The following SRSF4 variants were observed in gnomAD, a reference collection of about 807,000 sequenced individuals.
The protein encoded by SRSF4 is serine/arginine-rich splicing factor 4.
In SRSF4, 12 loss-of-function variants were observed where a neutral mutation model predicts 48.8. That is an observed-to-expected ratio of 0.25 (90% CI 0.16 to 0.40). The LOEUF (loss-of-function observed/expected upper bound fraction) is 0.40, where lower values mean the gene tolerates loss of function less well. SRSF4 is among the 10% of genes least tolerant of loss of function. The pLI is 1.00. For synonymous variants in SRSF4, 248 were observed against 232.5 expected, an observed-to-expected ratio of 1.07 and a Z score of -0.61; for missense variants, 466 against 667.1, an observed-to-expected ratio of 0.70 and a Z score of 3.32.
At chr1:29,153,684 C>T (rs957202036) in intron 4 of SRSF4, among the ~76,000 whole-genome samples, 6 of 151,156 alleles carry the variant, frequency 4.0e-5, no homozygotes, top group Admixed American at 2.6e-4. Flanking sequence ...CCACAACCTC[C>T]GCCTCCCAGG....
At chr1:29,180,655 A>G (rs1184755654) in intron 1 of SRSF4, among the ~76,000 whole-genome samples, 1 of 152,260 alleles carries the variant, frequency 6.6e-6, no homozygotes, top group Admixed American at 6.5e-5. Flanking sequence ...AGTGCCCTAA[A>G]ATGTCACCCC....
chr1:29,148,255 C>T lies in SRSF4; in HGVS notation c.*155G>A, dbSNP rs1672336754. The stretch of plus-strand genomic sequence containing the variant: ...GAAGGCCTGGTGCCAGGAGGCTTTA[C>T]TGAGAGGAAGCACTTAGATTTAACA... On this transcript the variant is annotated 3_prime_UTR_variant, in exon 6 of 6. Coordinates refer to ENST00000373795, the MANE Select transcript of SRSF4 (RefSeq NM_005626.5). 1.8e-6 allele frequency: 2 copies of T among 1,122,766 alleles called. No homozygotes were observed. Among genetic ancestry groups the T allele is most frequent in the Non-Finnish European group, 1.3e-6 (1 of 765,502 alleles). 69.6% of individuals were successfully genotyped at this position (1,122,766 alleles called of 1,614,324 possible).
intron 1 of SRSF4, chr1:29,170,917 G>A (rs1329357722): frequency 1.3e-5 from 2 of 152,124 alleles, no homozygotes; most frequent in East Asian, 3.8e-4. Context: ...TGCCTTTCAA[G>A]CGCTTCTTCA....
At position 29,181,722 on chromosome 1, in the gene SRSF4, A is replaced by G. The variant is rs1204898237; in HGVS notation, c.31T>C (p.Tyr11His). 1 of 1,593,846 alleles carries G rather than the reference A, an allele frequency of 6.3e-7. No homozygotes were observed. The highest frequency in any genetic ancestry group is 2.4e-5 in the East Asian group (1 of 42,110). ...TCCACATCGCGCTCCCGGGCCTGGT[A>G]GCTCAGGCGGCCGATGTACACCCGC... Reference protein sequence around the residue: MPRVYIGRLSYQARERDVERF... With the variant: MPRVYIGRLSHQARERDVERF... The change falls in exon 1 of 6, where the codon TAC becomes CAC. Residue 11 changes from tyrosine to histidine, a missense_variant. By Grantham distance (83) the Tyr-to-His change is moderately conservative. Transcript: ENST00000373795.
chr1:29,172,329 C>CT (rs1486893168), intron 1 of SRSF4: 2 of 152,120 alleles, frequency 1.3e-5, no homozygotes, highest in African/African-American at 4.8e-5. Context: ...GAGTCTCACT[C>CT]TGTCACCCAA....
At chr1:29,160,928 C>T (rs1672585688) in intron 1 of SRSF4, among the ~76,000 whole-genome samples, 1 of 152,160 alleles carries the variant, frequency 6.6e-6, no homozygotes. Flanking sequence ...ACAATTAGAC[C>T]TACATTCAGG....
intron 1 of SRSF4, among the ~76,000 whole-genome samples, chr1:29,165,173 C>T (rs1163663941): frequency 6.6e-6 from 1 of 152,140 alleles, no homozygotes; most frequent in African/African-American, 2.4e-5. Flanking sequence ...CTGTCATTTT[C>T]CCTGTAAAAA....
intron 3 of SRSF4, 80 bp from the exon 4 acceptor site, chr1:29,154,990 C>T: frequency 7.5e-7 from 1 of 1,333,254 alleles, no homozygotes; most frequent in South Asian, 1.3e-5. Context: ...TGAATTTTTC[C>T]TTTAAGAAAT....
chr1:29,164,412 C>T (rs990643309), intron 1 of SRSF4, among the ~76,000 whole-genome samples: 1 of 152,216 alleles, frequency 6.6e-6, no homozygotes, highest in Non-Finnish European at 1.5e-5. Context: ...CAGCAAGTAA[C>T]GTGAAACAAA....
chr1:29,171,322 A>AC (rs984492009), intron 1 of SRSF4: 19 of 150,500 alleles, frequency 1.3e-4, no homozygotes, highest in African/African-American at 4.4e-4. Flanking sequence ...AACCTGAACT[A>AC]CCCTCTCACC....
At position 29,178,353 on chromosome 1, in the gene SRSF4, C is replaced by CTTCTTCTTTTT. The variant is rs141096220; in HGVS notation, c.107+3292_107+3293insAAAAAGAAGAA. 1.7e-3 allele frequency among the ~76,000 whole-genome samples: 223 copies of CTTCTTCTTTTT among 127,908 alleles called. 5 individuals are homozygous for CTTCTTCTTTTT. Among genetic ancestry groups the CTTCTTCTTTTT allele is most frequent in the African/African-American group, 5.8e-3 (195 of 33,816 alleles). The allele number at this position is 127,908 out of a possible 152,430, so 83.9% of individuals were successfully genotyped here. On this transcript the variant is annotated intron_variant, in intron 1 of 5. Coordinates refer to ENST00000373795, the MANE Select transcript of SRSF4 (RefSeq NM_005626.5). ...AAAATCTGTTTCTGAGTTTCAATTA[C>CTTCTTCTTTTT]TTTTTTTTTTGAGACAGAGTCTCGC...
chr1:29,154,702 T>C lies in SRSF4; in HGVS notation c.572A>G (p.His191Arg). 6.2e-7 allele frequency: 1 copy of C among 1,614,242 alleles called. No homozygotes were observed. Among genetic ancestry groups the C allele is most frequent in the Non-Finnish European group, 8.5e-7 (1 of 1,180,034 alleles). ...CAAAAGACATCAACAGTACCTTGAATGACTCCGGCTTCTGGAGTAGGACCG... is the reference window on the plus strand; with the variant it reads ...CAAAAGACATCAACAGTACCTTGAACGACTCCGGCTTCTGGAGTAGGACCG... Reference protein sequence around the residue: ...RRRSYSRSRSHSRSRSRSRHS... With the variant: ...RRRSYSRSRSRSRSRSRSRHS... Residue 191 changes from histidine to arginine, a missense_variant, in exon 4 of 6, where the codon CAT becomes CGT. His to Arg is a conservative substitution (Grantham distance 29). This residue lies in a region of SRSF4 where 402 missense variants were observed against 437.0 expected (regional missense o/e 0.92). Coordinates refer to ENST00000373795, the MANE Select transcript of SRSF4 (RefSeq NM_005626.5).
At chr1:29,168,012 C>CTTTTT (rs5773233) in intron 1 of SRSF4, among the ~76,000 whole-genome samples, 49 of 133,310 alleles carry the variant, frequency 3.7e-4, no homozygotes, top group African/African-American at 1.2e-3. Context: ...GTTCTAATTC[C>CTTTTT]TTTTTTTTTT....
chr1:29,147,879 C>T lies in SRSF4; in HGVS notation c.*531G>A. 1 of 209,546 alleles carries T rather than the reference C, an allele frequency of 4.8e-6. No homozygotes were observed. The highest frequency in any genetic ancestry group is 1.0e-5 in the Non-Finnish European group (1 of 98,950). 13.0% of individuals were successfully genotyped at this position (209,546 alleles called of 1,614,324 possible). On this transcript the variant is annotated 3_prime_UTR_variant, in exon 6 of 6. Coordinates refer to ENST00000373795, the MANE Select transcript of SRSF4 (RefSeq NM_005626.5). ...ATATAAAACAATATAATCACAATAC[C>T]AGAATATGGAACTCTACAGTTTATT...
In SRSF4 at chr1:29,173,224, G is replaced by C. The variant is rs1442581997; in HGVS notation, c.107+8422C>G. 5.9e-5 allele frequency: 8 copies of C among 135,224 alleles called. 1 individual carries two copies. In the South Asian group the frequency reaches 7.2e-4, roughly 12 times the overall value. The allele number at this position is 135,224 out of a possible 1,614,324, so 8.4% of individuals were successfully genotyped here. A position where few individuals can be genotyped will look rare whatever the true frequency, so the allele number is the denominator to read the frequency against. Reference sequence around the variant, plus strand: ...GCGATCTCGGCTCACTGCAAGCTCAGCCTCCCGGGTTCACGCCATTCTCCT... The same window carrying C: ...GCGATCTCGGCTCACTGCAAGCTCACCCTCCCGGGTTCACGCCATTCTCCT... On this transcript the variant is annotated intron_variant, in intron 1 of 5. Coordinates refer to ENST00000373795, the MANE Select transcript of SRSF4 (RefSeq NM_005626.5).
intron 4 of SRSF4, among the ~76,000 whole-genome samples, chr1:29,152,257 T>G (rs561126954): frequency 6.6e-6 from 1 of 152,220 alleles, no homozygotes; most frequent in Admixed American, 6.5e-5. Flanking sequence ...GATGGAATGA[T>G]AGATGTCTAG....
chr1:29,173,691 C>A (rs1210128999), intron 1 of SRSF4, among the ~76,000 whole-genome samples: 1 of 149,364 alleles, frequency 6.7e-6, no homozygotes, highest in Admixed American at 6.7e-5. Flanking sequence ...TCAAGTGATC[C>A]GCCCACCTCA....
At chr1:29,156,286 G>A (rs1386314394) in intron 3 of SRSF4, among the ~76,000 whole-genome samples, 2 of 150,912 alleles carry the variant, frequency 1.3e-5, no homozygotes, top group Admixed American at 6.6e-5. Flanking sequence ...CCCAGGAGGT[G>A]GAAGTTGCAG....
chr1:29,178,111 G>A (rs893913398), intron 1 of SRSF4, among the ~76,000 whole-genome samples: 2 of 151,692 alleles, frequency 1.3e-5, no homozygotes, highest in African/African-American at 4.8e-5. Context: ...TGTTGGCCAG[G>A]CTGGTCTCAA....
Sources: gnomAD v4.1 joint callset for allele counts (sites outside exome capture counted in the v4.1 genomes callset) on GRCh38, gnomAD v4.1.1 for gene constraint, gnomAD v4.1.1 regional missense constraint, MANE v1.5 for transcripts, NCBI Gene and HGNC (gene_info 2026-07-23, HGNC 2026-07-21) for gene names.